NRP1: variants seen among roughly 807,000 people sequenced by gnomAD.
NRP1 encodes the protein neuropilin 1, also known as neuropilin-1.
Under a neutral mutation model 106.7 loss-of-function variants are expected in NRP1, and 35 were observed. The observed-to-expected ratio is 0.33, with a 90% CI of 0.25 to 0.43. NRP1 has a LOEUF of 0.43. Among genes scored for constraint, NRP1 ranks in the 20% least tolerant of loss-of-function variants. The pLI, the probability that NRP1 is intolerant of heterozygous loss-of-function variation, is 1.00. For missense variants in NRP1, 1,024 were observed against 1,170.4 expected (o/e 0.87, Z 1.83); for synonymous variants, 437 against 417.9 (o/e 1.05, Z -0.56).
chr10:33,306,496 A>AT (rs1217328185), intron 2 of NRP1, among the ~76,000 whole-genome samples: 1 of 152,176 alleles, frequency 6.6e-6, no homozygotes, highest in Non-Finnish European at 1.5e-5. Flanking sequence ...GCAACAAGAG[A>AT]TTAAGACAGG....
At chr10:33,321,515 C>T (rs1847509741) in intron 2 of NRP1, among the ~76,000 whole-genome samples, 1 of 152,278 alleles carries the variant, frequency 6.6e-6, no homozygotes, top group Non-Finnish European at 1.5e-5. Flanking sequence ...TTTGTAGAGA[C>T]TTGTGTCTGT....
chr10:33,256,247 C>T (rs940689739), intron 5 of NRP1, 69 bp downstream of exon 5: 32 of 1,489,834 alleles, frequency 2.1e-5, no homozygotes, highest in Middle Eastern at 1.7e-4. Flanking sequence ...TTCATGTGGC[C>T]GCAGGTGTGT....
At chr10:33,225,193 C>T (rs947956400) in intron 7 of NRP1, among the ~76,000 whole-genome samples, 8 of 152,136 alleles carry the variant, frequency 5.3e-5, no homozygotes, top group Non-Finnish European at 8.8e-5. Context: ...CTGCCCTGTC[C>T]GAGAGTGGGG....
intron 2 of NRP1, among the ~76,000 whole-genome samples, chr10:33,306,949 A>C (rs1846208520): frequency 1.3e-5 from 2 of 152,252 alleles, no homozygotes; most frequent in Admixed American, 6.5e-5. Flanking sequence ...CACAAAGAAA[A>C]GACTCAGGGC....
At chr10:33,313,465 T>C (rs1434987122) in intron 2 of NRP1, among the ~76,000 whole-genome samples, 1 of 152,086 alleles carries the variant, frequency 6.6e-6, no homozygotes, top group Admixed American at 6.5e-5. Context: ...AAATAGCTCA[T>C]GTACCCCAGT....
At chr10:33,209,120 T>C (rs1261496988) in intron 9 of NRP1, among the ~76,000 whole-genome samples, 1 of 152,118 alleles carries the variant, frequency 6.6e-6, no homozygotes, top group African/African-American at 2.4e-5. Context: ...TTGGCCAGGC[T>C]GGTCTTGAAC....
At chr10:33,198,073 C>CTTTTT (rs78668305) in intron 11 of NRP1, among the ~76,000 whole-genome samples, 13 of 125,910 alleles carry the variant, frequency 1.0e-4, no homozygotes, top group African/African-American at 3.3e-4. Flanking sequence ...CTATTTTAGG[C>CTTTTT]TTTTTTTTTT....
chr10:33,241,983 A>G (rs1204028106), intron 6 of NRP1, among the ~76,000 whole-genome samples: 1 of 152,248 alleles, frequency 6.6e-6, no homozygotes, highest in Non-Finnish European at 1.5e-5. Context: ...TTAAAGAAAG[A>G]TAACTAGATA....
chr10:33,221,692 T>C, intron 8 of NRP1, 27 bp downstream of exon 8: 1 of 1,600,324 alleles, frequency 6.2e-7, no homozygotes, highest in East Asian at 2.2e-5. Flanking sequence ...ACTTGGAAGA[T>C]TCAGTCTTCA....
At chr10:33,244,366 G>A (rs1841260325) in intron 6 of NRP1, among the ~76,000 whole-genome samples, 2 of 152,110 alleles carry the variant, frequency 1.3e-5, no homozygotes, top group Admixed American at 1.3e-4. Flanking sequence ...AATTATTACC[G>A]CTGGGACAGA....
At chr10:33,184,098 G>A (rs973945497) in intron 15 of NRP1, among the ~76,000 whole-genome samples, 6 of 152,026 alleles carry the variant, frequency 3.9e-5, no homozygotes, top group South Asian at 2.1e-4. Context: ...TGCAACTTCC[G>A]CCTCCTGGGT....
chr10:33,293,805 G>C (rs1845181067), intron 2 of NRP1, among the ~76,000 whole-genome samples: 1 of 152,184 alleles, frequency 6.6e-6, no homozygotes, highest in Non-Finnish European at 1.5e-5. Flanking sequence ...ATTTGCATAA[G>C]AAAGATGTGG....
In NRP1 at chr10:33,221,882, T is replaced by C. The variant is rs763053971; in HGVS notation, c.1138-19A>G. ...GAAAGAGCTGTATGGGGAAAAAAAG[T>C]GCCTTTCTTTAGCAGAGGTTTTGGA... On this transcript the variant is annotated intron_variant, in intron 7 of 16. Coordinates refer to ENST00000374867, the MANE Select transcript of NRP1 (RefSeq NM_003873.7). 2 of 1,589,502 alleles carry C rather than the reference T, an allele frequency of 1.3e-6. No homozygotes were observed. Among genetic ancestry groups the C allele is most frequent in the East Asian group, 4.5e-5 (2 of 44,290 alleles).
chr10:33,324,207 C>T (rs942618436), intron 2 of NRP1, among the ~76,000 whole-genome samples: 3 of 152,096 alleles, frequency 2.0e-5, no homozygotes, highest in Admixed American at 6.6e-5. Context: ...GGAAAAAAAT[C>T]AAAAGGAAGA....
intron 11 of NRP1, chr10:33,201,716 A>G (rs997990411): frequency 2.6e-5 from 4 of 152,190 alleles, no homozygotes; most frequent in African/African-American, 9.7e-5. Context: ...AATGTAAATG[A>G]TTATCCTGGA....
intron 5 of NRP1, 131 bp from the exon 6 acceptor site, chr10:33,254,325 T>C (rs1422965604): frequency 1.1e-5 from 8 of 709,436 alleles, no homozygotes; most frequent in South Asian, 4.2e-5. Flanking sequence ...AAGGGACTTA[T>C]TGGAATATAG....
At chr10:33,299,855 G>A (rs768802105) in intron 2 of NRP1, among the ~76,000 whole-genome samples, 7 of 152,190 alleles carry the variant, frequency 4.6e-5, no homozygotes, top group Non-Finnish European at 8.8e-5. Context: ...ATCCTGGAGA[G>A]ATCCTCGCTG....
At chr10:33,203,058 G>T in intron 10 of NRP1, 63 bp from the exon 11 acceptor site, 1 of 1,518,778 alleles carries the variant, frequency 6.6e-7, no homozygotes, top group Non-Finnish European at 8.9e-7. Flanking sequence ...GCCTCTGGCT[G>T]TTGGATCTGC....
intron 2 of NRP1, among the ~76,000 whole-genome samples, chr10:33,279,055 G>A (rs1468502457): frequency 6.6e-6 from 1 of 152,216 alleles, no homozygotes; most frequent in Non-Finnish European, 1.5e-5. Flanking sequence ...ATAATTGATT[G>A]TGCATGGGAA....
Sources: gnomAD v4.1 joint callset for allele counts (sites outside exome capture counted in the v4.1 genomes callset) on GRCh38, gnomAD v4.1.1 for gene constraint, MANE v1.5 for transcripts, NCBI Gene and HGNC (gene_info 2026-07-23, HGNC 2026-07-21) for gene names.